The following SLC24A2 variants were observed in gnomAD, a reference collection of about 807,000 sequenced individuals.
SLC24A2 encodes the protein sodium/potassium/calcium exchanger 2.
A neutral mutation model predicts 62.0 loss-of-function variants in SLC24A2; 36 were observed. The ratio of observed to expected loss-of-function variants is 0.58; its 90% CI spans 0.44 to 0.77. The LOEUF (loss-of-function observed/expected upper bound fraction) is 0.77, where lower values mean the gene tolerates loss of function less well. Ranked by LOEUF, SLC24A2 falls within the 30% of genes least tolerant of loss-of-function variation. The pLI is 0.00. For missense variants in SLC24A2, 846 were observed against 817.9 expected (o/e 1.03, Z -0.42); for synonymous variants, 358 against 294.0 (o/e 1.22, Z -2.23).
the SLC24A2 span, among the ~76,000 whole-genome samples, chr9:20,246,465 C>T: frequency 6.6e-6 from 1 of 152,178 alleles, no homozygotes; most frequent in Non-Finnish European, 1.5e-5. Flanking sequence ...AACATGCAAA[C>T]ATTCAGTCAG....
At chr9:20,302,618 T>C in the SLC24A2 span, among the ~76,000 whole-genome samples, 1 of 152,224 alleles carries the variant, frequency 6.6e-6, no homozygotes, top group African/African-American at 2.4e-5. Flanking sequence ...TACTTTTCTT[T>C]TGGATAGCAG....
the SLC24A2 span, among the ~76,000 whole-genome samples, chr9:20,071,168 C>A: frequency 6.6e-6 from 1 of 152,172 alleles, no homozygotes; most frequent in Non-Finnish European, 1.5e-5. Flanking sequence ...GCTTCCTGCA[C>A]AGCCTTCAGA....
At chr9:19,878,251 G>C in the SLC24A2 span, among the ~76,000 whole-genome samples, 7 of 152,146 alleles carry the variant, frequency 4.6e-5, no homozygotes, top group African/African-American at 7.2e-5. Context: ...ATAACACCTG[G>C]AGACTTTGAG....
the SLC24A2 span, among the ~76,000 whole-genome samples, chr9:20,028,060 A>G: frequency 6.6e-6 from 1 of 152,092 alleles, no homozygotes; most frequent in African/African-American, 2.4e-5. Context: ...TGCAGGGGAG[A>G]CCCCTGGAAT....
chr9:20,223,324 T>C, the SLC24A2 span, among the ~76,000 whole-genome samples: 1 of 152,172 alleles, frequency 6.6e-6, no homozygotes, highest in Non-Finnish European at 1.5e-5. Flanking sequence ...TCTTTTCAAA[T>C]TGATATATAA....
At chr9:19,962,842 C>A in the SLC24A2 span, among the ~76,000 whole-genome samples, 1 of 152,064 alleles carries the variant, frequency 6.6e-6, no homozygotes, top group Non-Finnish European at 1.5e-5. Context: ...TAATTGAATA[C>A]CCTTTATTTC....
the SLC24A2 span, among the ~76,000 whole-genome samples, chr9:19,974,298 G>C: frequency 6.6e-6 from 1 of 152,108 alleles, no homozygotes; most frequent in Admixed American, 6.5e-5. Flanking sequence ...CTATGAATTT[G>C]TCCTGAAACC....
At chr9:20,297,872 A>T in the SLC24A2 span, among the ~76,000 whole-genome samples, 1 of 152,136 alleles carries the variant, frequency 6.6e-6, no homozygotes, top group East Asian at 1.9e-4. Flanking sequence ...CATCTCCCCA[A>T]CTTTGGCAAA....
At chr9:19,773,139 G>A (rs1354502906) in intron 2 of SLC24A2, among the ~76,000 whole-genome samples, 1 of 152,164 alleles carries the variant, frequency 6.6e-6, no homozygotes, top group Non-Finnish European at 1.5e-5. Context: ...GTAGATTAGT[G>A]GCTACTGGGG....
chr9:20,031,294 T>C, the SLC24A2 span, among the ~76,000 whole-genome samples: 7 of 148,668 alleles, frequency 4.7e-5, no homozygotes, highest in Non-Finnish European at 1.0e-4. Flanking sequence ...TATACACATA[T>C]ATAAAATATA....
the SLC24A2 span, among the ~76,000 whole-genome samples, chr9:19,797,804 C>G: frequency 2.0e-5 from 3 of 152,152 alleles, no homozygotes; most frequent in Non-Finnish European, 4.4e-5. Flanking sequence ...CAACCTCCCC[C>G]TTTTTGCCAG....
chr9:19,875,775 C>T, the SLC24A2 span, among the ~76,000 whole-genome samples: 18 of 152,330 alleles, frequency 1.2e-4, no homozygotes, highest in South Asian at 3.3e-3. Flanking sequence ...AATTCTTCTA[C>T]GAATGTGCTT....
At chr9:20,001,134 G>C in the SLC24A2 span, among the ~76,000 whole-genome samples, 12 of 152,316 alleles carry the variant, frequency 7.9e-5, no homozygotes, top group East Asian at 2.1e-3. Context: ...TTAAAGCCTG[G>C]AGGATCAGCA....
the SLC24A2 span, among the ~76,000 whole-genome samples, chr9:19,981,187 G>A: frequency 2.0e-5 from 3 of 152,172 alleles, no homozygotes; most frequent in African/African-American, 7.2e-5. Context: ...AAAATATGAT[G>A]AGTGTTCTCC....
intron 2 of SLC24A2, among the ~76,000 whole-genome samples, chr9:19,752,779 C>G (rs1456056386): frequency 6.6e-6 from 1 of 152,112 alleles, no homozygotes; most frequent in African/African-American, 2.4e-5. Context: ...ACACTAGGTA[C>G]TATTCCCATG....
chr9:20,188,673 G>T, the SLC24A2 span, among the ~76,000 whole-genome samples: 1 of 152,070 alleles, frequency 6.6e-6, no homozygotes, highest in Non-Finnish European at 1.5e-5. Flanking sequence ...AGGTAAGTTG[G>T]GGAAATGACA....
chr9:20,277,967 T>G, the SLC24A2 span, among the ~76,000 whole-genome samples: 1 of 152,192 alleles, frequency 6.6e-6, no homozygotes, highest in Non-Finnish European at 1.5e-5. Context: ...ACCATCATTC[T>G]GAGCAAACTA....
intron 2 of SLC24A2, among the ~76,000 whole-genome samples, chr9:19,732,303 C>T (rs1315279570): frequency 6.6e-6 from 1 of 152,146 alleles, no homozygotes; most frequent in Non-Finnish European, 1.5e-5. Context: ...TTAATTTCCA[C>T]AGTCTGATTA....
the SLC24A2 span, among the ~76,000 whole-genome samples, chr9:20,080,422 A>G: frequency 6.6e-6 from 1 of 152,172 alleles, no homozygotes; most frequent in Non-Finnish European, 1.5e-5. Context: ...CTGGCTAGCC[A>G]TATGTAGAAA....
Sources: allele counts gnomAD v4.1 joint callset (sites outside exome capture counted in the v4.1 genomes callset), GRCh38; gene constraint gnomAD v4.1.1; transcripts MANE v1.5; gene names NCBI Gene and HGNC (gene_info 2026-07-23, HGNC 2026-07-21).